PEBP4: variants seen among roughly 807,000 people sequenced by gnomAD.
PEBP4 encodes the protein phosphatidylethanolamine-binding protein 4.
Under a neutral mutation model 23.9 loss-of-function variants are expected in PEBP4, and 22 were observed. The observed-to-expected ratio is 0.92, with a 90% CI of 0.66 to 1.31. PEBP4 has a LOEUF of 1.31. PEBP4 is among the 40% of genes most tolerant of loss of function. The probability of loss-of-function intolerance (pLI) is 0.00; values close to 1 mark genes in which losing one functional copy is unlikely to be tolerated. For synonymous variants in PEBP4, 112 were observed against 99.3 expected, an observed-to-expected ratio of 1.13 and a Z score of -0.76; for missense variants, 324 against 281.7, an observed-to-expected ratio of 1.15 and a Z score of -1.07.
At chr8:22,851,534 T>C (rs1439480333) in intron 3 of PEBP4, among the ~76,000 whole-genome samples, 3 of 152,096 alleles carry the variant, frequency 2.0e-5, no homozygotes, top group African/African-American at 7.2e-5. Context: ...GCTAAGCAAC[T>C]TGCCCAAGAC....
intron 4 of PEBP4, among the ~76,000 whole-genome samples, chr8:22,796,534 G>A (rs2128757853): frequency 6.6e-6 from 1 of 152,288 alleles, no homozygotes; most frequent in South Asian, 2.1e-4. Flanking sequence ...GGCTCTCAGG[G>A]AAAGATATGC....
chr8:22,814,646 A>T (rs181964872), intron 4 of PEBP4, among the ~76,000 whole-genome samples: 6 of 152,258 alleles, frequency 3.9e-5, no homozygotes, highest in African/African-American at 1.4e-4. Flanking sequence ...AGTTCCACCA[A>T]GTTTGCTTCT....
chr8:22,714,425 C>G (rs1475208135), intron 6 of PEBP4, among the ~76,000 whole-genome samples: 2 of 151,922 alleles, frequency 1.3e-5, no homozygotes, highest in African/African-American at 4.8e-5. Flanking sequence ...AGATAAATAG[C>G]AAATCGCTTG....
chr8:22,941,034 C>T (rs1360872006), intron 1 of PEBP4, among the ~76,000 whole-genome samples: 10 of 152,036 alleles, frequency 6.6e-5, no homozygotes, highest in Non-Finnish European at 2.9e-5. Context: ...TTAAGGTAAT[C>T]AGAGCCAGCG....
intron 3 of PEBP4, among the ~76,000 whole-genome samples, chr8:22,852,379 A>T (rs1432976760): frequency 6.6e-6 from 1 of 152,110 alleles, no homozygotes; most frequent in African/African-American, 2.4e-5. Context: ...ACACGAACAC[A>T]TTTGCAGATT....
At chr8:22,916,147 C>A (rs1214141583) in intron 3 of PEBP4, among the ~76,000 whole-genome samples, 2 of 152,150 alleles carry the variant, frequency 1.3e-5, no homozygotes, top group East Asian at 1.9e-4. Flanking sequence ...ACCGAGGCAG[C>A]CTTTTGTTCC....
chr8:22,911,786 A>G (rs1381319083), intron 3 of PEBP4, among the ~76,000 whole-genome samples: 3 of 152,238 alleles, frequency 2.0e-5, no homozygotes, highest in Non-Finnish European at 4.4e-5. Context: ...TAAAACAAAC[A>G]AACAAAAAAA....
chr8:22,808,613 T>C (rs994135742), intron 4 of PEBP4, among the ~76,000 whole-genome samples: 5 of 152,186 alleles, frequency 3.3e-5, no homozygotes, highest in African/African-American at 9.7e-5. Context: ...AGCAAGCCTT[T>C]CGGCAGAGGT....
intron 3 of PEBP4, among the ~76,000 whole-genome samples, chr8:22,909,884 G>A (rs1808900116): frequency 6.6e-6 from 1 of 152,230 alleles, no homozygotes; most frequent in Admixed American, 6.5e-5. Flanking sequence ...GTGGAGAATG[G>A]CCAGCAAATA....
chr8:22,925,194 C>T (rs942691089), intron 2 of PEBP4: 79 of 985,286 alleles, frequency 8.0e-5, no homozygotes, highest in Non-Finnish European at 8.7e-5. Flanking sequence ...TCCTCTTTTG[C>T]GATGATGGCT....
At chr8:22,848,026 A>G (rs1370294579) in intron 3 of PEBP4, among the ~76,000 whole-genome samples, 1 of 152,062 alleles carries the variant, frequency 6.6e-6, no homozygotes. Context: ...CCCCAGTGCT[A>G]AAGCTCTCTC....
intron 3 of PEBP4, among the ~76,000 whole-genome samples, chr8:22,869,161 C>T (rs1428665950): frequency 6.6e-6 from 1 of 152,188 alleles, no homozygotes; most frequent in Non-Finnish European, 1.5e-5. Context: ...TCTTCATCCT[C>T]TTTGCTTAAA....
At chr8:22,857,060 C>T (rs895870636) in intron 3 of PEBP4, among the ~76,000 whole-genome samples, 1 of 151,964 alleles carries the variant, frequency 6.6e-6, no homozygotes, top group Admixed American at 6.6e-5. Context: ...ATAAGCCAGT[C>T]TGTGAAGTAA....
chr8:22,909,231 C>T (rs1220242530), intron 3 of PEBP4, among the ~76,000 whole-genome samples: 4 of 152,168 alleles, frequency 2.6e-5, no homozygotes, highest in Non-Finnish European at 5.9e-5. Context: ...TACCCGCCAG[C>T]GAGGCCTGGG....
chr8:22,917,011 C>T (rs1169530091), intron 3 of PEBP4, among the ~76,000 whole-genome samples: 1 of 151,740 alleles, frequency 6.6e-6, no homozygotes, highest in Non-Finnish European at 1.5e-5. Flanking sequence ...GGTCCAAAGA[C>T]GCCAAGGATG....
chr8:22,889,192 A>G (rs1024297060), intron 3 of PEBP4, among the ~76,000 whole-genome samples: 1 of 152,220 alleles, frequency 6.6e-6, no homozygotes, highest in Non-Finnish European at 1.5e-5. Context: ...GCACAGCTAC[A>G]AAATGGGGAT....
intron 4 of PEBP4, among the ~76,000 whole-genome samples, chr8:22,799,113 G>A (rs1806330536): frequency 6.6e-6 from 1 of 152,138 alleles, no homozygotes; most frequent in Non-Finnish European, 1.5e-5. Context: ...AGCAGCTGGT[G>A]CAGAGGAATC....
chr8:22,895,416 TA>T (rs1808569831), intron 3 of PEBP4: 1 of 152,256 alleles, frequency 6.6e-6, no homozygotes, highest in Admixed American at 6.5e-5. Flanking sequence ...CACAAGCATT[TA>T]GACATGCTTT....
intron 5 of PEBP4, among the ~76,000 whole-genome samples, chr8:22,726,744 A>G (rs1297502439): frequency 2.0e-5 from 3 of 152,178 alleles, no homozygotes; most frequent in African/African-American, 4.8e-5. Context: ...TGCTTCACGG[A>G]ACTGCAGGGC....
Sources: allele counts gnomAD v4.1 joint callset (sites outside exome capture counted in the v4.1 genomes callset), GRCh38; gene constraint gnomAD v4.1.1; transcripts MANE v1.5; gene names NCBI Gene and HGNC (gene_info 2026-07-23, HGNC 2026-07-21).